The following EPM2A variants were observed in gnomAD, a reference collection of about 807,000 sequenced individuals.
EPM2A encodes laforin.
Under a neutral mutation model 26.5 loss-of-function variants are expected in EPM2A, and 21 were observed. The observed-to-expected ratio is 0.79, with a 90% CI of 0.56 to 1.14. EPM2A has a LOEUF of 1.14. Among genes scored for constraint, EPM2A ranks in the 50% most tolerant of loss-of-function variants. The probability of loss-of-function intolerance (pLI) is 0.00; values close to 1 mark genes in which losing one functional copy is unlikely to be tolerated. For synonymous variants in EPM2A, 217 were observed against 177.6 expected, an observed-to-expected ratio of 1.22 and a Z score of -1.76; for missense variants, 458 against 440.8, an observed-to-expected ratio of 1.04 and a Z score of -0.35.
In EPM2A at chr6:145,633,237, C is replaced by T. The variant is rs558117402; in HGVS notation, c.718+2008G>A. ...CCCAGCCTCGTCTCACATCATTCTC[C>T]AACAGGATAACAATGCTGTCAAATC... is the stretch of plus-strand genomic sequence containing the variant. On this transcript the variant is annotated intron_variant, in intron 3 of 3. Coordinates refer to ENST00000367519, the MANE Select transcript of EPM2A (RefSeq NM_005670.4). Among the ~76,000 whole-genome samples the T allele has an allele frequency of 2.0e-5, 3 of 152,234 alleles. No individual in the cohort carries two copies. In the South Asian group the frequency reaches 6.2e-4, roughly 32 times the overall value.
intron 2 of EPM2A, among the ~76,000 whole-genome samples, chr6:145,548,430 C>T (rs139637357): frequency 1.3e-5 from 2 of 152,246 alleles, no homozygotes; most frequent in African/African-American, 4.8e-5. Flanking sequence ...AGAATCTTCT[C>T]ATTTTAGTCC....
downstream of EPM2A, among the ~76,000 whole-genome samples, chr6:145,621,193 A>G (rs1397385631): frequency 2.0e-5 from 3 of 152,164 alleles, no homozygotes; most frequent in Admixed American, 2.0e-4. Flanking sequence ...ATTATGAAGT[A>G]TTTGTCTTTC....
chr6:145,579,303 C>A lies in EPM2A; in HGVS notation c.340+55942G>T, dbSNP rs770235690. ...TTTAAATTCCAATCTCTTCTGGAAA[C>A]GCCCTCACAGACATAGTCAGCTATT... On this transcript the variant is annotated intron_variant, in intron 2 of 3. Transcript: ENST00000450221. Among the ~76,000 whole-genome samples, 4 of 152,166 alleles carry A rather than the reference C, an allele frequency of 2.6e-5. No homozygotes were observed. In the South Asian group the frequency reaches 8.3e-4, roughly 32 times the overall value.
At chr6:145,422,882 C>A (rs1778807469) in intron 4 of EPM2A, among the ~76,000 whole-genome samples, 1 of 151,980 alleles carries the variant, frequency 6.6e-6, no homozygotes, top group Non-Finnish European at 1.5e-5. Flanking sequence ...TATTTAATCA[C>A]TAAAAATTTT....
rs560780761 is a variant in EPM2A at position 145,439,107 on chromosome 6, T to TAG, written c.556-55011_556-55010insCT. 5.0e-3 allele frequency among the ~76,000 whole-genome samples: 756 copies of TAG among 152,306 alleles called. 4 individuals are homozygous for TAG. Among genetic ancestry groups the TAG allele is most frequent in the Admixed American group, 0.011 (167 of 15,298 alleles). On this transcript the variant is annotated intron_variant, in intron 4 of 4. Coordinates refer to the EPM2A transcript ENST00000638717. ...CATTAGTTTGCTAAGGATAATGGCT[T>TAG]CCAGTTCCATCCATGTTTCTGCAGA...
chr6:145,473,901 C>T (rs1779507750), intron 4 of EPM2A, among the ~76,000 whole-genome samples: 1 of 151,972 alleles, frequency 6.6e-6, no homozygotes, highest in African/African-American at 2.4e-5. Context: ...AGCTGTCCTC[C>T]AAGAAATGTT....
chr6:145,411,247 CA>C (rs777843067), intron 4 of EPM2A, among the ~76,000 whole-genome samples: 11 of 152,110 alleles, frequency 7.2e-5, no homozygotes, highest in Non-Finnish European at 1.5e-4. Context: ...TAAAAGATAC[CA>C]GCTCTTTCTA....
downstream of EPM2A, among the ~76,000 whole-genome samples, chr6:145,498,456 A>G (rs1342088273): frequency 2.6e-5 from 4 of 152,224 alleles, no homozygotes; most frequent in African/African-American, 9.6e-5. Context: ...ACACCTGAGT[A>G]GCTGCTCTGC....
chr6:145,584,459 G>A (rs142024795), intron 2 of EPM2A, among the ~76,000 whole-genome samples: 118 of 152,240 alleles, frequency 7.8e-4, no homozygotes, highest in African/African-American at 2.6e-3. Context: ...AAAGGCTAAC[G>A]CCACATAGGG....
At chr6:145,709,763 A>G (rs78116977) in intron 1 of EPM2A, among the ~76,000 whole-genome samples, 17 of 152,304 alleles carry the variant, frequency 1.1e-4, no homozygotes, top group African/African-American at 3.8e-4. Flanking sequence ...GTTCCTGTAG[A>G]AGTTCTTTAG....
At chr6:145,400,159 A>T (rs12196825) in intron 4 of EPM2A, among the ~76,000 whole-genome samples, 16,527 of 152,212 alleles carry the variant, frequency 0.11, 948 homozygotes, top group South Asian at 0.17. Flanking sequence ...AATCCCAGGG[A>T]AAGTAGCCAG....
At chr6:145,557,291 T>C (rs140474175) in intron 2 of EPM2A, among the ~76,000 whole-genome samples, 26 of 152,210 alleles carry the variant, frequency 1.7e-4, no homozygotes, top group African/African-American at 5.1e-4. Context: ...AAATTACCCA[T>C]TGGGTACGAT....
At chr6:145,650,514 T>C (rs922453450) in intron 2 of EPM2A, among the ~76,000 whole-genome samples, 63 of 151,404 alleles carry the variant, frequency 4.2e-4, no homozygotes, top group Middle Eastern at 3.4e-3. Flanking sequence ...ATCATGCCAC[T>C]GCACTCCAGC....
At chr6:145,719,267 A>G (rs1449254947) in intron 1 of EPM2A, among the ~76,000 whole-genome samples, 3 of 149,462 alleles carry the variant, frequency 2.0e-5, no homozygotes, top group African/African-American at 7.4e-5. Flanking sequence ...TGTGGCACAT[A>G]TACACCATGG....
At chr6:145,560,128 A>G (rs1780784323) in intron 2 of EPM2A, among the ~76,000 whole-genome samples, 1 of 152,116 alleles carries the variant, frequency 6.6e-6, no homozygotes, top group Non-Finnish European at 1.5e-5. Flanking sequence ...AGAAATCACC[A>G]AGAAGGGCAA....
At chr6:145,415,282 C>T (rs148591055) in intron 4 of EPM2A, among the ~76,000 whole-genome samples, 10 of 152,322 alleles carry the variant, frequency 6.6e-5, no homozygotes, top group East Asian at 1.9e-4. Flanking sequence ...CTGAGCCATA[C>T]TGTTGGCTTT....
chr6:145,684,274 G>A (rs1331265072), intron 2 of EPM2A, among the ~76,000 whole-genome samples: 2 of 152,082 alleles, frequency 1.3e-5, no homozygotes, highest in Admixed American at 6.6e-5. Context: ...TCCATCTAAG[G>A]AGTGTCTCTA....
intron 1 of EPM2A, chr6:145,721,688 T>G (rs539306617): frequency 5.7e-4 from 87 of 152,324 alleles, no homozygotes; most frequent in African/African-American, 1.9e-3. Context: ...TCATTCACAA[T>G]TCATTCTCAT....
rs1397711452 is a variant in EPM2A at position 145,725,892 on chromosome 6, A to G, written c.301+9306T>C. ...TCCACAGAACTTTATATTACAAAGA[A>G]TATATTTCCCATATATATACATAAT... On this transcript the variant is annotated intron_variant, in intron 1 of 3. Transcript: ENST00000367519. Among the ~76,000 whole-genome samples, 5 of 152,086 alleles carry G rather than the reference A, an allele frequency of 3.3e-5. No homozygotes were observed. In the East Asian group the frequency reaches 9.6e-4, roughly 29 times the overall value.
Sources: allele counts gnomAD v4.1 joint callset (sites outside exome capture counted in the v4.1 genomes callset), GRCh38; gene constraint gnomAD v4.1.1; transcripts MANE v1.5; gene names NCBI Gene and HGNC (gene_info 2026-07-23, HGNC 2026-07-21).